The following ALMS1 variants were observed in gnomAD, a reference collection of about 807,000 sequenced individuals.
ALMS1 encodes the protein ALMS1 centrosome and basal body associated protein.
A neutral mutation model predicts 352.2 loss-of-function variants in ALMS1; 271 were observed. The observed-to-expected ratio is 0.77, with a 90% CI of 0.70 to 0.85. The LOEUF is 0.85. ALMS1 is among the 40% of genes least tolerant of loss of function. The pLI is 0.00. For missense variants in ALMS1, 5,445 were observed against 4,870.7 expected, an observed-to-expected ratio of 1.12 and a Z score of -3.51; for synonymous variants, 1,865 against 1,761.2, an observed-to-expected ratio of 1.06 and a Z score of -1.48.
intron 9 of ALMS1, among the ~76,000 whole-genome samples, chr2:73,460,239 AATT>A (rs1270934421): frequency 2.0e-5 from 3 of 152,104 alleles, no homozygotes; most frequent in African/African-American, 7.2e-5. Context: ...TATGTAATAT[AATT>A]ATTATTATAC....
At chr2:73,482,367 T>C (rs1672729217) in intron 9 of ALMS1, among the ~76,000 whole-genome samples, 1 of 152,230 alleles carries the variant, frequency 6.6e-6, no homozygotes, top group Non-Finnish European at 1.5e-5. Flanking sequence ...TCTGTTTATA[T>C]GCTGGATTAC....
rs1671849058 is a variant in ALMS1 at position 73,448,340 on chromosome 2, C to T, written c.1813C>T (p.Pro605Ser). The T allele has an allele frequency of 1.2e-6, 2 of 1,613,926 alleles. No homozygotes were observed. Among genetic ancestry groups the T allele is most frequent in the Non-Finnish European group, 8.5e-7 (1 of 1,179,902 alleles). ...AGAGGCTTTGAAAGTTTCAGCTGCT[C>T]CTGGACTAGCTGACCAGACAACTGG... is the stretch of plus-strand genomic sequence containing the variant. ...TEEALKVSAA[P>S]GLADQTTGMS... The change falls in exon 8 of 23, where the codon CCT becomes TCT. Residue 605 changes from proline (P) to serine (S), a missense_variant. Transcript: ENST00000613296.
Position 73,550,244 on chromosome 2 carries a change from ATTAC to A in ALMS1, c.9908-20_9908-17del. 1 of 1,613,544 alleles carries A rather than the reference ATTAC, an allele frequency of 6.2e-7. No individual in the cohort carries two copies. The highest frequency in any genetic ancestry group is 1.3e-5 in the African/African-American group (1 of 75,026). ...TCTCATGTCGCTATTTGTGTTTTGTATTACTTCCCCGTTTTTCTGTAGGATCCAA... is the reference window on the plus strand; with the variant it reads ...TCTCATGTCGCTATTTGTGTTTTGTATTCCCCGTTTTTCTGTAGGATCCAA... On this transcript the variant is annotated intron_variant, in intron 12 of 22. Coordinates refer to ENST00000613296, the MANE Select transcript of ALMS1 (RefSeq NM_001378454.1).
intron 10 of ALMS1, among the ~76,000 whole-genome samples, chr2:73,507,910 A>C (rs182218109): frequency 6.6e-6 from 1 of 152,104 alleles, no homozygotes; most frequent in African/African-American, 2.4e-5. Context: ...TCCTGTGGGC[A>C]TTTAGTGCTA....
chr2:73,419,328 GTTTAT>G lies in ALMS1; in HGVS notation c.646+15_646+19del. On this transcript the variant is annotated intron_variant, in intron 3 of 22. Transcript: ENST00000613296. ...TGTTCTCCACTGCTAGGTAATGCCT[GTTTAT>G]TTTAACTAGTAGTAATACCTCACAT... The G allele has an allele frequency of 5.6e-6, 9 of 1,611,586 alleles. No homozygotes were observed. The highest frequency in any genetic ancestry group is 7.6e-6 in the Non-Finnish European group (9 of 1,177,728).
intron 10 of ALMS1, among the ~76,000 whole-genome samples, chr2:73,507,914 AG>A (rs1228037499): frequency 3.3e-5 from 5 of 152,044 alleles, no homozygotes; most frequent in Admixed American, 1.3e-4. Flanking sequence ...GTGGGCATTT[AG>A]TGCTATAAAT....
chr2:73,572,444 A>G lies in ALMS1; in HGVS notation c.10567A>G (p.Arg3523Gly). The G allele has an allele frequency of 6.2e-7, 1 of 1,613,956 alleles. No individual in the cohort carries two copies. The highest frequency in any genetic ancestry group is 8.5e-7 in the Non-Finnish European group (1 of 1,179,964). ...DFFQHHPDKHREHMCLPLPYQ... is the reference protein window; with the variant it reads ...DFFQHHPDKHGEHMCLPLPYQ... ...CTTTCAGCATCATCCAGACAAACAT[A>G]GAGAACACATGTGTCTTCCTCTTCC... The change falls in exon 16 of 23, where the codon AGA (arginine) becomes GGA (glycine). Residue 3523 changes from arginine (R) to glycine (G), a missense_variant. Coordinates refer to ENST00000613296, the MANE Select transcript of ALMS1 (RefSeq NM_001378454.1).
intron 8 of ALMS1, chr2:73,454,346 A>G: frequency 1.0e-6 from 1 of 985,342 alleles, no homozygotes; most frequent in East Asian, 1.1e-4. Context: ...TCTTAGGAGA[A>G]GTAGATTCTG....
intron 9 of ALMS1, among the ~76,000 whole-genome samples, chr2:73,467,123 AAAAG>A (rs1229078152): frequency 5.3e-5 from 8 of 152,286 alleles, no homozygotes; most frequent in African/African-American, 1.7e-4. Context: ...TACACTTCAT[AAAAG>A]AAAGGATTGC....
chr2:73,587,228 A>C (rs1675332527), intron 16 of ALMS1, among the ~76,000 whole-genome samples: 2 of 152,152 alleles, frequency 1.3e-5, no homozygotes, highest in Admixed American at 1.3e-4. Context: ...GTGAACAGTG[A>C]CAGTTTGACT....
intron 16 of ALMS1, among the ~76,000 whole-genome samples, chr2:73,584,143 T>C (rs960276426): frequency 2.0e-5 from 3 of 152,180 alleles, no homozygotes; most frequent in African/African-American, 4.8e-5. Context: ...ATCTATTGGC[T>C]CTATTATATG....
At chr2:73,436,060 A>G (rs959234265) in intron 7 of ALMS1, among the ~76,000 whole-genome samples, 2 of 152,006 alleles carry the variant, frequency 1.3e-5, no homozygotes, top group African/African-American at 4.8e-5. Flanking sequence ...GGAACTTCCT[A>G]TGTTATTTCT....
chr2:73,389,976 C>T (rs1023665767), intron 1 of ALMS1, among the ~76,000 whole-genome samples: 14 of 152,114 alleles, frequency 9.2e-5, no homozygotes, highest in South Asian at 2.1e-4. Flanking sequence ...CATGAGCCAC[C>T]GCGCCCGGCC....
chr2:73,408,384 CT>C (rs1281059617), intron 1 of ALMS1, among the ~76,000 whole-genome samples: 1 of 152,276 alleles, frequency 6.6e-6, no homozygotes, highest in East Asian at 1.9e-4. Context: ...CTGTTTGCTG[CT>C]TTTACCTCTA....
intron 3 of ALMS1, among the ~76,000 whole-genome samples, chr2:73,420,942 A>G (rs1384343628): frequency 1.3e-5 from 2 of 152,198 alleles, no homozygotes; most frequent in African/African-American, 2.4e-5. Context: ...CAAGCCAGTA[A>G]CAGATATCCA....
chr2:73,392,260 ATGTGTGTGTGTGTGTGTGTG>A (rs60487895), intron 1 of ALMS1, among the ~76,000 whole-genome samples: 1 of 146,356 alleles, frequency 6.8e-6, no homozygotes, highest in Admixed American at 6.8e-5. Context: ...GTTTACTTTG[ATGTGTGTGTGTGTGTGTGTG>A]TGTGTGTGTG....
At chr2:73,388,577 TTC>T (rs1670584926) in intron 1 of ALMS1, among the ~76,000 whole-genome samples, 1 of 152,232 alleles carries the variant, frequency 6.6e-6, no homozygotes, top group Admixed American at 6.5e-5. Flanking sequence ...GTATTTGATT[TTC>T]TGTTTCTGAA....
intron 7 of ALMS1, among the ~76,000 whole-genome samples, chr2:73,437,442 T>G (rs1199915374): frequency 6.6e-6 from 1 of 152,200 alleles, no homozygotes; most frequent in Non-Finnish European, 1.5e-5. Context: ...AATCTTCCAC[T>G]CTATAAGTGG....
At chr2:73,412,049 C>G (rs868439321) in intron 2 of ALMS1, among the ~76,000 whole-genome samples, 3 of 152,138 alleles carry the variant, frequency 2.0e-5, no homozygotes, top group Admixed American at 6.5e-5. Context: ...TTCCTGATAT[C>G]CTATGCTCAT....
Sources: allele counts gnomAD v4.1 joint callset (sites outside exome capture counted in the v4.1 genomes callset), GRCh38; gene constraint gnomAD v4.1.1; transcripts MANE v1.5; gene names NCBI Gene and HGNC (gene_info 2026-07-23, HGNC 2026-07-21).